SIGLEC11: variants seen among roughly 807,000 people sequenced by gnomAD.
The protein encoded by SIGLEC11 is sialic acid-binding Ig-like lectin 11.
Under a neutral mutation model 61.2 loss-of-function variants are expected in SIGLEC11, and 47 were observed. That is an observed-to-expected ratio of 0.77 (90% CI 0.61 to 0.98). SIGLEC11 has a LOEUF of 0.98. Ranked by LOEUF, SIGLEC11 falls within the 50% of genes least tolerant of loss-of-function variation. The pLI is 0.00. For synonymous variants in SIGLEC11, 278 were observed against 373.1 expected (o/e 0.75, Z 2.94); for missense variants, 610 against 870.3 (o/e 0.70, Z 3.76).
At chr19:49,958,954 T>C (rs1199091947) in intron 6 of SIGLEC11, 54 bp from the exon 7 acceptor site, 30 of 1,612,702 alleles carry the variant, frequency 1.9e-5, no homozygotes, top group Non-Finnish European at 2.5e-5. Context: ...GGGACCCTCC[T>C]GTGTGGGGAC....
Position 49,955,299 on chromosome 19 carries a change from C to A in SIGLEC11, c.1652-2905G>T. Among the ~76,000 whole-genome samples, 1 of 148,704 alleles carries A rather than the reference C, an allele frequency of 6.7e-6. No homozygotes were observed. ...GGAAAAAGAGCGGGGCGGGGACTGG[C>A]CCCAGAAAAAAAGCCAAAAAAAAAA... On this transcript the variant is annotated intron_variant, in intron 8 of 10. Coordinates refer to ENST00000447370, the MANE Select transcript of SIGLEC11 (RefSeq NM_052884.3). This position sits in a 1 kb window ranked among gnomAD's most constrained non-coding sequence, Gnocchi z 4.5.
Position 49,958,392 on chromosome 19 carries a change from G to A in SIGLEC11, c.1542C>T (p.Ala514=). 6.2e-7 allele frequency: 1 copy of A among 1,614,144 alleles called. No individual in the cohort carries two copies. Among genetic ancestry groups the A allele is most frequent in the Non-Finnish European group, 8.5e-7 (1 of 1,180,020 alleles). ...CTCCATGGAGGCTCAGGGAGCTGTT[G>A]GCCCAGGGCCCGGCTGAGCTGGGGG... ...EVTPSSAGPW[A]NSSLSLHGGL... The change falls in exon 8 of 11, where the codon GCC becomes GCT. Residue 514 remains alanine, a synonymous_variant. Coordinates refer to ENST00000447370, the MANE Select transcript of SIGLEC11 (RefSeq NM_052884.3).
In SIGLEC11 at chr19:49,949,686, A is replaced by G. The variant is rs2076145286; in HGVS notation, c.*284T>C. 8.5e-6 allele frequency: 2 copies of G among 235,600 alleles called. No homozygotes were observed. Among genetic ancestry groups the G allele is most frequent in the Middle Eastern group, 1.4e-3 (1 of 728 alleles). 14.6% of individuals were successfully genotyped at this position (235,600 alleles called of 1,614,324 possible). On this transcript the variant is annotated 3_prime_UTR_variant, in exon 11 of 11. Transcript: ENST00000447370. ...GCAAAACCCTGTCTCTACTAAAAAT[A>G]TAACAATGAGCCTGGCATGGTGGCT...
At chr19:49,954,734 C>T (rs749252893) in intron 8 of SIGLEC11, among the ~76,000 whole-genome samples, 35 of 152,064 alleles carry the variant, frequency 2.3e-4, no homozygotes, top group East Asian at 1.9e-4. Flanking sequence ...CACTAAAAAG[C>T]GCAGGAGAGT....
Position 49,955,540 on chromosome 19 carries a change from A to T in SIGLEC11, c.1651+2743T>A, listed in dbSNP as rs984557502. On this transcript the variant is annotated intron_variant, in intron 8 of 10. Coordinates refer to ENST00000447370, the MANE Select transcript of SIGLEC11 (RefSeq NM_052884.3). The surrounding 1 kb of genome is among the most constrained non-coding windows in gnomAD (Gnocchi z 4.5). The stretch of plus-strand genomic sequence containing the variant: ...GGGGCCCACGCCGTAGCCCAGTCCC[A>T]CTGGCCAGCTGTAGGAGCAGGATAA... Among the ~76,000 whole-genome samples the T allele has an allele frequency of 2.0e-5, 3 of 152,226 alleles. No homozygotes were observed. Among genetic ancestry groups the T allele is most frequent in the African/African-American group, 7.2e-5 (3 of 41,456 alleles).
rs201410480 is a variant in SIGLEC11, at chr19:49,953,061, C to T, written c.1652-667G>A. Among the ~76,000 whole-genome samples, 10 of 152,306 alleles carry T rather than the reference C, an allele frequency of 6.6e-5. No homozygotes were observed. In the South Asian group the frequency reaches 2.1e-3, roughly 32 times the overall value. ...TTTCCCGCAGCATTTTTGGCGACCA[C>T]GAAGGGACCAGAGACGGTAGGTTTA... On this transcript the variant is annotated intron_variant, in intron 8 of 10. Coordinates refer to ENST00000447370, the MANE Select transcript of SIGLEC11 (RefSeq NM_052884.3).
At chr19:49,958,210 A>G in intron 8 of SIGLEC11, 73 bp downstream of exon 8, 1 of 1,587,672 alleles carries the variant, frequency 6.3e-7, no homozygotes, top group East Asian at 2.2e-5. Context: ...CTCTCCCCAC[A>G]ACCTTGAACC....
chr19:49,952,499 G>T (rs2122883481), intron 8 of SIGLEC11, 105 bp from the exon 9 acceptor site: 1 of 737,522 alleles, frequency 1.4e-6, no homozygotes, highest in Non-Finnish European at 2.2e-6. Flanking sequence ...CCCAACTGAG[G>T]CAGAAATTTA....
Position 49,958,905 on chromosome 19 carries a change from G to C in SIGLEC11, c.1106-5C>G. 6.2e-7 allele frequency: 1 copy of C among 1,602,258 alleles called. No individual in the cohort carries two copies. The highest frequency in any genetic ancestry group is 8.5e-7 in the Non-Finnish European group (1 of 1,173,062). On this transcript the variant is annotated splice_region_variant and splice_polypyrimidine_tract_variant and intron_variant, in intron 6 of 10. Transcript: ENST00000447370. ...CGTTCCCGAGGTTTTCCAGGACTAG[G>C]GAAGGAAGAGGCAGAATCGACGTGC...
In SIGLEC11 at chr19:49,958,723, A is replaced by T; in HGVS notation, c.1283T>A (p.Met428Lys). The change falls in exon 7 of 11, where the codon ATG (methionine) becomes AAG (lysine). Residue 428 changes from methionine (M) to lysine (K), a missense_variant. Transcript: ENST00000447370. Reference sequence around the variant, plus strand: ...GCAGGTGAACTCTCCTTCGTGCTCCATTTGAATGGGTGGCAGCTCCAGGAC... The same window carrying T: ...GCAGGTGAACTCTCCTTCGTGCTCCTTTTGAATGGGTGGCAGCTCCAGGAC... ...PGVLELPPIQMEHEGEFTCHA... is the reference protein window; with the variant it reads ...PGVLELPPIQKEHEGEFTCHA... The T allele has an allele frequency of 6.2e-7, 1 of 1,613,612 alleles. No individual in the cohort carries two copies. Among genetic ancestry groups the T allele is most frequent in the Non-Finnish European group, 8.5e-7 (1 of 1,179,718 alleles).
chr19:49,958,330 C>T lies in SIGLEC11; in HGVS notation c.1604G>A (p.Trp535Ter), dbSNP rs1016759469. The T allele has an allele frequency of 6.2e-7, 1 of 1,614,112 alleles. No individual in the cohort carries two copies. The highest frequency in any genetic ancestry group is 1.3e-5 in the African/African-American group (1 of 74,952). The change falls in exon 8 of 11, where the codon TGG becomes TAG. Residue 535 changes from tryptophan (W) to a stop codon, truncating the protein, a stop_gained. Transcript: ENST00000447370. LOFTEE classifies it high-confidence loss of function. The part of the protein sequence containing the change: ...SSGLRLRCKA[W>*]NVHGAQSGSV... ...GCCACTCTGGGCCCCGTGGACGTTC[C>T]AGGCCTTACAGCGGAGCCTGAGGCC...
intron 8 of SIGLEC11, among the ~76,000 whole-genome samples, chr19:49,953,414 C>T (rs1164004316): frequency 4.6e-5 from 7 of 152,022 alleles, no homozygotes; most frequent in Non-Finnish European, 5.9e-5. Context: ...GGATGAAACT[C>T]ACACCCCAAC....
At chr19:49,952,259 C>A in intron 9 of SIGLEC11, 39 bp downstream of exon 9, 1 of 1,589,556 alleles carries the variant, frequency 6.3e-7, no homozygotes, top group Non-Finnish European at 8.6e-7. Context: ...GAACCCTCAC[C>A]CTTCCCACAC....
chr19:49,950,098 G>T lies in SIGLEC11; in HGVS notation c.1969C>A (p.Pro657Thr). 3 of 1,611,924 alleles carry T rather than the reference G, an allele frequency of 1.9e-6. No individual in the cohort carries two copies. Among genetic ancestry groups the T allele is most frequent in the Non-Finnish European group, 2.5e-6 (3 of 1,178,754 alleles). The change falls in exon 11 of 11, where the codon CCT (proline) becomes ACT (threonine). Residue 657 changes from proline (P) to threonine (T), a missense_variant. Physicochemically the swap from Pro to Thr is conservative, Grantham distance 38. Coordinates refer to ENST00000447370, the MANE Select transcript of SIGLEC11 (RefSeq NM_052884.3). ...GTGCTGGGGGCCTCCTGGTCCGCAGGCTCCCAGAGCCTCAGGCCCTGGAAG... is the reference window on the plus strand; with the variant it reads ...GTGCTGGGGGCCTCCTGGTCCGCAGTCTCCCAGAGCCTCAGGCCCTGGAAG... ...LSFQGLRLWE[P>T]ADQEAPSTTE... is the part of the protein sequence containing the mutation.
chr19:49,952,084 G>T, intron 9 of SIGLEC11, 112 bp from the exon 10 acceptor site: 1 of 1,168,658 alleles, frequency 8.6e-7, no homozygotes, highest in Non-Finnish European at 1.2e-6. Flanking sequence ...GTGGGGTGGG[G>T]ACATATCCAC....
At chr19:49,958,144 A>G (rs2076210888) in intron 8 of SIGLEC11, 139 bp downstream of exon 8, 1 of 1,236,294 alleles carries the variant, frequency 8.1e-7, no homozygotes, top group Non-Finnish European at 1.1e-6. Flanking sequence ...TCCCGCAACA[A>G]CTACCAGCCA....
chr19:49,955,807 C>T lies in SIGLEC11; in HGVS notation c.1651+2476G>A, dbSNP rs558851473. ...AAAATTAGCCGGGCTTGGTGGCGGG[C>T]GCCTGTAGTCCCAGCTACTCGGGAG... is the stretch of plus-strand genomic sequence containing the variant. On this transcript the variant is annotated intron_variant, in intron 8 of 10. Coordinates refer to ENST00000447370, the MANE Select transcript of SIGLEC11 (RefSeq NM_052884.3). This position sits in a 1 kb window ranked among gnomAD's most constrained non-coding sequence, Gnocchi z 4.5. 2.0e-4 allele frequency among the ~76,000 whole-genome samples: 31 copies of T among 151,952 alleles called. No homozygotes were observed. Among genetic ancestry groups the T allele is most frequent in the African/African-American group, 6.3e-4 (26 of 41,456 alleles).
rs762555733 is a variant in SIGLEC11 at position 49,960,718 on chromosome 19, G to T, written c.294C>A (p.Ser98Arg). 6.2e-7 allele frequency: 1 copy of T among 1,612,384 alleles called. No homozygotes were observed. The highest frequency in any genetic ancestry group is 1.1e-5 in the South Asian group (1 of 91,038). Reference sequence around the variant, plus strand: ...CAGTGAGCTGGAATCGGTCCCGGGTGCTCATTTCCACCTCTCGACTCTGGT... The same window carrying T: ...CAGTGAGCTGGAATCGGTCCCGGGTTCTCATTTCCACCTCTCGACTCTGGT... ...TNNQSREVEM[S>R]TRDRFQLTGD... The change falls in exon 2 of 11, where the codon AGC becomes AGA. Residue 98 changes from serine to arginine, a missense_variant. Ser to Arg is a moderately radical substitution (Grantham distance 110). This residue lies in a region of SIGLEC11 where 99 missense variants were observed against 131.6 expected (regional missense o/e 0.75). Transcript: ENST00000447370.
Position 49,955,973 on chromosome 19 carries a change from C to T in SIGLEC11, c.1651+2310G>A, listed in dbSNP as rs928096121. On this transcript the variant is annotated intron_variant, in intron 8 of 10. Transcript: ENST00000447370. This position sits in a 1 kb window ranked among gnomAD's most constrained non-coding sequence, Gnocchi z 4.5. Reference sequence around the variant, plus strand: ...AAAAGAACTTGTACTTATGGCCGGGCGCAGTGGCTCACACCTGTAATCCTG... The same window carrying T: ...AAAAGAACTTGTACTTATGGCCGGGTGCAGTGGCTCACACCTGTAATCCTG... Among the ~76,000 whole-genome samples the T allele has an allele frequency of 1.3e-5, 2 of 151,448 alleles. No homozygotes were observed. Among genetic ancestry groups the T allele is most frequent in the African/African-American group, 2.4e-5 (1 of 41,120 alleles).
Sources: allele counts gnomAD v4.1 joint callset (sites outside exome capture counted in the v4.1 genomes callset), GRCh38; gene constraint gnomAD v4.1.1; regional missense constraint gnomAD v4.1.1; non-coding constraint Gnocchi (gnomAD v3.1); transcripts MANE v1.5; gene names NCBI Gene and HGNC (gene_info 2026-07-23, HGNC 2026-07-21).